Variants in SCAPER observed in about 807,000 individuals in gnomAD.
SCAPER encodes the protein S phase cyclin A-associated protein in the endoplasmic reticulum.
A neutral mutation model predicts 182.2 loss-of-function variants in SCAPER; 98 were observed. The ratio of observed to expected loss-of-function variants is 0.54; its 90% CI spans 0.46 to 0.64. The LOEUF is 0.64. Ranked by LOEUF, SCAPER falls within the 30% of genes least tolerant of loss-of-function variation. The pLI is 0.00. For synonymous variants in SCAPER, 605 were observed against 564.6 expected (o/e 1.07, Z -1.01); for missense variants, 1,432 against 1,690.0 (o/e 0.85, Z 2.68).
At chr15:76,470,987 C>T in intron 25 of SCAPER, 1 of 325,464 alleles carries the variant, frequency 3.1e-6, no homozygotes, top group Non-Finnish European at 5.7e-6. Context: ...GTCTATTATC[C>T]ATTAAATATT....
At position 76,751,673 on chromosome 15, in the gene SCAPER, A is replaced by C. The variant is rs189747184; in HGVS notation, c.1866+2135T>G. On this transcript the variant is annotated intron_variant, in intron 15 of 31. Coordinates refer to ENST00000563290, the MANE Select transcript of SCAPER (RefSeq NM_020843.4). ...ATGGTAATGGGAAAACTCGACAGCC[A>C]CATGGCAAAAAATCAAGCTAAACCT... Among the ~76,000 whole-genome samples the C allele has an allele frequency of 2.6e-5, 4 of 151,900 alleles. No individual in the cohort carries two copies. In the East Asian group the frequency reaches 7.7e-4, roughly 29 times the overall value.
chr15:76,843,270 G>T (rs753706608), intron 4 of SCAPER, among the ~76,000 whole-genome samples: 8 of 152,120 alleles, frequency 5.3e-5, no homozygotes, highest in Admixed American at 1.3e-4. Context: ...TCTATCCAAG[G>T]CTTTTATTTA....
chr15:76,433,318 GC>G (rs2046985521), intron 26 of SCAPER, among the ~76,000 whole-genome samples: 1 of 152,130 alleles, frequency 6.6e-6, no homozygotes, highest in Non-Finnish European at 1.5e-5. Context: ...GACCAGCCTG[GC>G]AAACATGGTG....
chr15:76,798,326 C>T (rs144062943), intron 7 of SCAPER, among the ~76,000 whole-genome samples: 97 of 149,646 alleles, frequency 6.5e-4, no homozygotes, highest in African/African-American at 2.2e-3. Context: ...CGTCACTCTA[C>T]TCCAGCCTGG....
chr15:76,461,482 T>C (rs1392667322), intron 25 of SCAPER, among the ~76,000 whole-genome samples: 1 of 152,000 alleles, frequency 6.6e-6, no homozygotes. Flanking sequence ...TTTTGCCTAA[T>C]GGTGATTTTT....
chr15:76,628,499 G>C (rs1458920307), intron 21 of SCAPER, among the ~76,000 whole-genome samples: 4 of 152,148 alleles, frequency 2.6e-5, no homozygotes, highest in African/African-American at 7.2e-5. Flanking sequence ...CATATGGCTA[G>C]CCAGTTATTC....
rs188532308 is a variant in SCAPER at position 76,372,036 on chromosome 15, T to A, written c.3855+4126A>T. Among the ~76,000 whole-genome samples the A allele has an allele frequency of 4.5e-4, 69 of 151,678 alleles. 1 individual carries two copies. The highest frequency in any genetic ancestry group is 3.2e-3 in the Admixed American group (49 of 15,226). ...TTCTTACTTCTCTACCTTTTTTTTT[T>A]AATCTTGTTCTTTCTTCTCATAGAT... On this transcript the variant is annotated intron_variant, in intron 29 of 31. Coordinates refer to ENST00000563290, the MANE Select transcript of SCAPER (RefSeq NM_020843.4).
At chr15:76,398,486 A>G (rs1317343513) in intron 27 of SCAPER, among the ~76,000 whole-genome samples, 1 of 152,190 alleles carries the variant, frequency 6.6e-6, no homozygotes, top group African/African-American at 2.4e-5. Context: ...GTGCTACATA[A>G]ATATTTGTTC....
intron 20 of SCAPER, among the ~76,000 whole-genome samples, chr15:76,688,875 G>T (rs1252507219): frequency 7.6e-6 from 1 of 131,336 alleles, no homozygotes; most frequent in Non-Finnish European, 1.6e-5. Flanking sequence ...TTGAGACAGA[G>T]TCTTGCTCTG....
chr15:76,804,204 A>G (rs1391778913), intron 6 of SCAPER, among the ~76,000 whole-genome samples: 1 of 152,204 alleles, frequency 6.6e-6, no homozygotes, highest in African/African-American at 2.4e-5. Context: ...TCTATCCTCC[A>G]AAAGAGATTT....
rs1555461783 is a variant in SCAPER, at chr15:76,511,843, A to ATGTGTG, written c.2839-6875_2839-6870dup. The stretch of plus-strand genomic sequence containing the variant: ...AGATACACTTATTATATATATATAT[A>ATGTGTG]TGTGTGTGTGTGTGTGTGTGTGTGT... On this transcript the variant is annotated intron_variant, in intron 23 of 31. Coordinates refer to ENST00000563290, the MANE Select transcript of SCAPER (RefSeq NM_020843.4). Among the ~76,000 whole-genome samples, 236 of 123,276 alleles carry ATGTGTG rather than the reference A, an allele frequency of 1.9e-3. 6 individuals carry two copies. The East Asian group carries it at 0.023, about 12-fold the overall frequency. 80.9% of individuals were successfully genotyped at this position (123,276 alleles called of 152,430 possible).
chr15:76,377,025 C>T (rs976820447), intron 28 of SCAPER, among the ~76,000 whole-genome samples: 4 of 152,122 alleles, frequency 2.6e-5, no homozygotes, highest in Admixed American at 6.5e-5. Flanking sequence ...GACAGAGCGA[C>T]AGGAGGGCAA....
Position 76,766,913 on chromosome 15 carries a change from C to G in SCAPER, c.1419+5G>C, listed in dbSNP as rs766735098. On this transcript the variant is annotated splice_donor_5th_base_variant and intron_variant, in intron 11 of 31. Coordinates refer to ENST00000563290, the MANE Select transcript of SCAPER (RefSeq NM_020843.4). Reference sequence around the variant, plus strand: ...ATAGTTATGTTAAAAAGTCTAAAAGCTCACAGAAAAATCACTGTCGTTGTC... The same window carrying G: ...ATAGTTATGTTAAAAAGTCTAAAAGGTCACAGAAAAATCACTGTCGTTGTC... 8.8e-6 allele frequency: 14 copies of G among 1,583,714 alleles called. No individual in the cohort carries two copies. The highest frequency in any genetic ancestry group is 1.1e-5 in the Non-Finnish European group (13 of 1,171,972).
intron 22 of SCAPER, among the ~76,000 whole-genome samples, chr15:76,592,027 A>C (rs2049151918): frequency 6.6e-6 from 1 of 152,136 alleles, no homozygotes; most frequent in Admixed American, 6.6e-5. Context: ...ACCATTGCAC[A>C]CTACCCTCGG....
chr15:76,459,606 A>G (rs149617563), intron 25 of SCAPER, among the ~76,000 whole-genome samples: 2 of 149,422 alleles, frequency 1.3e-5, no homozygotes, highest in African/African-American at 4.9e-5. Flanking sequence ...TAGTTTGTAA[A>G]TATTTTCTCC....
At chr15:76,422,100 T>C (rs2046088217) in intron 26 of SCAPER, among the ~76,000 whole-genome samples, 1 of 152,348 alleles carries the variant, frequency 6.6e-6, no homozygotes, top group Admixed American at 6.5e-5. Context: ...GTCTTGGCAA[T>C]GCGGGCCCTT....
At chr15:76,388,921 A>G (rs973552452) in intron 27 of SCAPER, among the ~76,000 whole-genome samples, 3 of 151,456 alleles carry the variant, frequency 2.0e-5, no homozygotes, top group South Asian at 4.2e-4. Context: ...AGATCACGAC[A>G]CTGCACTCTA....
At chr15:76,621,483 T>TC (rs11396731) in intron 22 of SCAPER, among the ~76,000 whole-genome samples, 147,969 of 152,124 alleles carry the variant, frequency 0.97, 72,080 homozygotes, top group South Asian at 1. Flanking sequence ...AGACAGTTCT[T>TC]TGTGAGGGTT....
intron 20 of SCAPER, among the ~76,000 whole-genome samples, chr15:76,693,782 G>A (rs1033232256): frequency 6.6e-6 from 1 of 152,008 alleles, no homozygotes; most frequent in Non-Finnish European, 1.5e-5. Context: ...ACTTATATGG[G>A]GTTCATAGAG....
Sources: gnomAD v4.1 joint callset for allele counts (sites outside exome capture counted in the v4.1 genomes callset) on GRCh38, gnomAD v4.1.1 for gene constraint, MANE v1.5 for transcripts, NCBI Gene and HGNC (gene_info 2026-07-23, HGNC 2026-07-21) for gene names.